Variants in BID observed in about 807,000 individuals in gnomAD.
BID encodes BH3 interacting domain death agonist, also known as BH3-interacting domain death agonist.
In BID, 19 loss-of-function variants were observed where a neutral mutation model predicts 17.4. The ratio of observed to expected loss-of-function variants is 1.09; its 90% CI spans 0.76 to 1.60. The LOEUF is 1.60. Ranked by LOEUF, BID falls within the 40% of genes most tolerant of loss-of-function variation. BID has a pLI of 0.00. For missense variants in BID, 226 were observed against 256.0 expected (o/e 0.88, Z 0.80); for synonymous variants, 108 against 102.8 (o/e 1.05, Z -0.31).
chr22:17,760,671 CA>C (rs2061631462), intron 1 of BID, among the ~76,000 whole-genome samples: 1 of 152,084 alleles, frequency 6.6e-6, no homozygotes, highest in African/African-American at 2.4e-5. Flanking sequence ...CTTCCAGCCT[CA>C]CGAAGCCCTG....
At chr22:17,771,787 T>TGGATGGG (rs1385009694) in intron 1 of BID, among the ~76,000 whole-genome samples, 5,282 of 152,248 alleles carry the variant, frequency 0.035, 288 homozygotes, top group African/African-American at 0.12. Flanking sequence ...TGTAGGAACC[T>TGGATGGG]GCCAGCAGTG....
chr22:17,744,502 T>G (rs2061482906), intron 2 of BID, among the ~76,000 whole-genome samples: 1 of 152,222 alleles, frequency 6.6e-6, no homozygotes, highest in African/African-American at 2.4e-5. Context: ...AGGAGGGTAT[T>G]GGGCAGATGG....
chr22:17,745,641 C>A (rs1338244185), intron 2 of BID, among the ~76,000 whole-genome samples: 4 of 151,760 alleles, frequency 2.6e-5, no homozygotes, highest in Non-Finnish European at 5.9e-5. Context: ...CAAAGTGAAA[C>A]CCTGTCTCAA....
Position 17,769,808 on chromosome 22 carries a change from C to T in BID, c.-59+4573G>A, listed in dbSNP as rs961430884. The stretch of plus-strand genomic sequence containing the variant: ...CTGAACCCAGGAGGCACCCACCTTC[C>T]TGTCTCTAGGCAGATGCCAGCTGGT... On this transcript the variant is annotated intron_variant, in intron 1 of 5. Transcript: ENST00000622694. The surrounding 1 kb of genome is among the most constrained non-coding windows in gnomAD (Gnocchi z 4.8). Among the ~76,000 whole-genome samples the T allele has an allele frequency of 8.5e-5, 13 of 152,164 alleles. No homozygotes were observed. The highest frequency in any genetic ancestry group is 2.9e-4 in the African/African-American group (12 of 41,424).
intron 3 of BID, chr22:17,741,108 G>A (rs1429346035): frequency 6.6e-6 from 1 of 152,064 alleles, no homozygotes; most frequent in Non-Finnish European, 1.5e-5. Context: ...CAAGCGTTTT[G>A]CCTACCCTCT....
intron 1 of BID, among the ~76,000 whole-genome samples, chr22:17,763,206 C>T (rs1238717125): frequency 6.6e-6 from 1 of 151,056 alleles, no homozygotes; most frequent in Non-Finnish European, 1.5e-5. Flanking sequence ...AAAATAAAAG[C>T]ATTTACATAG....
At position 17,774,354 on chromosome 22, in the gene BID, C is replaced by G. The variant is rs1288418997; in HGVS notation, c.-59+27G>C. 14 of 165,906 alleles carry G rather than the reference C, an allele frequency of 8.4e-5. No homozygotes were observed. In the Middle Eastern group the frequency reaches 7.3e-3, roughly 86 times the overall value. The allele number at this position is 165,906 out of a possible 1,614,324, so 10.3% of individuals were successfully genotyped here. ...GTCACGGGCTGGGGCTCGGCGCGTACCCCGGGAGGGGCGCGGGTGCACTCA... is the reference window on the plus strand; with the variant it reads ...GTCACGGGCTGGGGCTCGGCGCGTAGCCCGGGAGGGGCGCGGGTGCACTCA... On this transcript the variant is annotated intron_variant, in intron 1 of 5. Coordinates refer to ENST00000622694, the MANE Select transcript of BID (RefSeq NM_001196.4).
rs1033188998 is a variant in BID at position 17,769,183 on chromosome 22, C to T, written c.-59+5198G>A. 2.0e-5 allele frequency among the ~76,000 whole-genome samples: 3 copies of T among 152,272 alleles called. No homozygotes were observed. The highest frequency in any genetic ancestry group is 7.2e-5 in the African/African-American group (3 of 41,476). ...GGGCCTGTGCCGTGCCAACGCCATG[C>T]CCCTGCCTGGCAGAAATGCCACCCA... On this transcript the variant is annotated intron_variant, in intron 1 of 5. Coordinates refer to ENST00000622694, the MANE Select transcript of BID (RefSeq NM_001196.4). This position sits in a 1 kb window ranked among gnomAD's most constrained non-coding sequence, Gnocchi z 4.8.
intron 5 of BID, among the ~76,000 whole-genome samples, chr22:17,737,038 T>C (rs960645140): frequency 4.6e-5 from 7 of 152,148 alleles, no homozygotes; most frequent in African/African-American, 1.7e-4. Context: ...AACTCCTGAC[T>C]TCATGATCCG....
chr22:17,750,185 A>G lies in BID; in HGVS notation c.-58-11T>C. On this transcript the variant is annotated splice_polypyrimidine_tract_variant and intron_variant, in intron 1 of 5. Transcript: ENST00000622694. The stretch of plus-strand genomic sequence containing the variant: ...TGTCCCAGTGGCGACCTGGAAAGGG[A>G]CACACAGAGTGGGCGGCCGCTCCTG... 6.2e-7 allele frequency: 1 copy of G among 1,610,944 alleles called. No individual in the cohort carries two copies. The highest frequency in any genetic ancestry group is 8.5e-7 in the Non-Finnish European group (1 of 1,178,946).
intron 1 of BID, among the ~76,000 whole-genome samples, chr22:17,761,081 C>G (rs544685728): frequency 1.3e-5 from 2 of 152,268 alleles, no homozygotes; most frequent in South Asian, 4.1e-4. Context: ...GCAGGTCTTA[C>G]AAGATAACGC....
At chr22:17,754,357 G>A (rs12168227) in intron 1 of BID, among the ~76,000 whole-genome samples, 8,962 of 152,330 alleles carry the variant, frequency 0.059, 817 homozygotes, top group African/African-American at 0.2. Flanking sequence ...TCCTCACCAC[G>A]GCCTCGCCAG....
At chr22:17,740,055 G>GCCT (rs2061447994) in intron 3 of BID, 2 of 1,605,346 alleles carry the variant, frequency 1.2e-6, no homozygotes, top group Non-Finnish European at 1.7e-6. Flanking sequence ...CTGGCGCACA[G>GCCT]CCTCCGTGCT....
rs1569056969 is a variant in BID, at chr22:17,773,583, A to T, written c.-59+798T>A. 1 of 1,611,388 alleles carries T rather than the reference A, an allele frequency of 6.2e-7. No individual in the cohort carries two copies. Among genetic ancestry groups the T allele is most frequent in the Non-Finnish European group, 8.5e-7 (1 of 1,179,468 alleles). On this transcript the variant is annotated intron_variant, in intron 1 of 5. Transcript: ENST00000622694. The surrounding 1 kb of genome is among the most constrained non-coding windows in gnomAD (Gnocchi z 4.4). ...TGCAGGTGAAGGCCGGTCCAGCCGC[A>T]GAAGGCCCAGCCCCCAGCCCACTTA...
chr22:17,767,489 C>T (rs989293968), intron 1 of BID, among the ~76,000 whole-genome samples: 5 of 152,094 alleles, frequency 3.3e-5, no homozygotes, highest in Non-Finnish European at 7.4e-5. Context: ...AGTCCCTGGA[C>T]CAGGTGTCAA....
At chr22:17,748,804 G>A (rs556428501) in intron 2 of BID, among the ~76,000 whole-genome samples, 125 of 152,360 alleles carry the variant, frequency 8.2e-4, no homozygotes, top group South Asian at 1.4e-3. Context: ...TGTTCTACCT[G>A]CGGAGGCCGC....
intron 3 of BID, among the ~76,000 whole-genome samples, chr22:17,742,293 A>G (rs968243075): frequency 6.6e-6 from 1 of 152,166 alleles, no homozygotes; most frequent in Non-Finnish European, 1.5e-5. Context: ...GCGAGAGAAA[A>G]ACACCAGGGC....
At chr22:17,750,655 T>G (rs553642084) in intron 1 of BID, among the ~76,000 whole-genome samples, 1 of 150,974 alleles carries the variant, frequency 6.6e-6, no homozygotes, top group Non-Finnish European at 1.5e-5. Context: ...GGTGAAACCC[T>G]GTCTCTACTA....
intron 2 of BID, among the ~76,000 whole-genome samples, chr22:17,748,370 T>A (rs1226150344): frequency 6.7e-6 from 1 of 150,338 alleles, no homozygotes; most frequent in Non-Finnish European, 1.5e-5. Flanking sequence ...GAGCCGGGCG[T>A]GGTGGCGGGC....
Sources: gnomAD v4.1 joint callset for allele counts (sites outside exome capture counted in the v4.1 genomes callset) on GRCh38, gnomAD v4.1.1 for gene constraint, Gnocchi (gnomAD v3.1) non-coding constraint, MANE v1.5 for transcripts, NCBI Gene and HGNC (gene_info 2026-07-23, HGNC 2026-07-21) for gene names.